The following CENPF variants were observed in gnomAD, a reference collection of about 807,000 sequenced individuals.
CENPF encodes the protein centromere protein F, also known as AH antigen.
Under a neutral mutation model 307.3 loss-of-function variants are expected in CENPF, and 214 were observed. That is an observed-to-expected ratio of 0.70 (90% confidence interval 0.62 to 0.78). The LOEUF is 0.78. CENPF is among the 30% of genes least tolerant of loss of function. The pLI, the probability that CENPF is intolerant of heterozygous loss-of-function variation, is 0.00. For synonymous variants in CENPF, 1,259 were observed against 1,270.6 expected (o/e 0.99, Z 0.19); for missense variants, 3,401 against 3,483.9 (o/e 0.98, Z 0.60).
At chr1:214,655,167 A>G (rs1487985796) in intron 16 of CENPF, 74 bp from the exon 17 acceptor site, 17 of 911,086 alleles carry the variant, frequency 1.9e-5, no homozygotes, top group Non-Finnish European at 2.7e-5. Flanking sequence ...TGAATCTTAT[A>G]TCTTATAATT....
At chr1:214,609,322 C>T (rs1187378071) in intron 1 of CENPF, among the ~76,000 whole-genome samples, 1 of 152,202 alleles carries the variant, frequency 6.6e-6, no homozygotes, top group Admixed American at 6.5e-5. Flanking sequence ...GGCATTCACT[C>T]TTCATTCATG....
rs375601206 is a variant in CENPF, at chr1:214,646,240, G to A, written c.6670G>A (p.Gly2224Ser). The change falls in exon 13 of 20, where the codon GGT becomes AGT. Residue 2224 changes from glycine (G) to serine (S), a missense_variant. Gly to Ser is a moderately conservative substitution (Grantham distance 56). Transcript: ENST00000366955. ...NLTKQIQEKQ[G>S]QLSELDKLLS... ...GACAAAACAAATACAAGAAAAACAA[G>A]GTCAGTTGTCAGAACTAGACAAGTT... 14 of 1,613,700 alleles carry A rather than the reference G, an allele frequency of 8.7e-6. No homozygotes were observed. Among genetic ancestry groups the A allele is most frequent in the Non-Finnish European group, 1.1e-5 (13 of 1,179,992 alleles).
At chr1:214,636,464 A>G (rs1333051530) in intron 10 of CENPF, among the ~76,000 whole-genome samples, 1 of 152,208 alleles carries the variant, frequency 6.6e-6, no homozygotes, top group Non-Finnish European at 1.5e-5. Context: ...CAGGATCAGG[A>G]CACGGTAGAT....
At chr1:214,662,342 C>T (rs1392725129) in intron 19 of CENPF, among the ~76,000 whole-genome samples, 1 of 152,062 alleles carries the variant, frequency 6.6e-6, no homozygotes, top group African/African-American at 2.4e-5. Flanking sequence ...TCCTGACCTT[C>T]CAAGGCTGCG....
chr1:214,615,288 GTA>G (rs1220751234), intron 3 of CENPF: 2 of 238,972 alleles, frequency 8.4e-6, no homozygotes, highest in East Asian at 8.2e-5. Flanking sequence ...TATTCATTCA[GTA>G]TATGTTTATT....
In CENPF at chr1:214,645,490, A is replaced by C. The variant is rs1658265278; in HGVS notation, c.5920A>C (p.Thr1974Pro). Residue 1974 changes from threonine to proline, a missense_variant, in exon 13 of 20, where the codon ACC becomes CCC. Transcript: ENST00000366955. ...AGAATTAGATACTATGTCAAAAAAA[A>C]CCACGGCACTGGATCAGTTGTCTGA... Reference protein sequence around the residue: ...RGELDTMSKKTTALDQLSEKM... With the variant: ...RGELDTMSKKPTALDQLSEKM... 8 of 1,613,762 alleles carry C rather than the reference A, an allele frequency of 5.0e-6. No homozygotes were observed. The highest frequency in any genetic ancestry group is 1.7e-5 in the Admixed American group (1 of 59,904).
At chr1:214,648,113 C>G (rs11805402) in intron 13 of CENPF, 31,489 of 351,926 alleles carry the variant, frequency 0.089, 2,088 homozygotes, top group African/African-American at 0.19. Flanking sequence ...AATAAAAGGA[C>G]TATCCACAAA....
chr1:214,654,369 T>G (rs1658574505), intron 16 of CENPF: 1 of 152,398 alleles, frequency 6.6e-6, no homozygotes, highest in Non-Finnish European at 1.5e-5. Context: ...GGCCAGGAAT[T>G]TGAGACCAGC....
At position 214,644,754 on chromosome 1, in the gene CENPF, T is replaced by C. The variant is rs2102564487; in HGVS notation, c.5184T>C (p.Asp1728=). The change falls in exon 13 of 20, where the codon GAT becomes GAC. Residue 1728 remains aspartate (D), a synonymous_variant. Transcript: ENST00000366955. ...TGECSGEQSP[D]TNYEPPGEDK... ...AGTGCTCTGGGGAACAGTCCCCAGA[T>C]ACCAATTATGAGCCTCCAGGGGAAG... 1.9e-6 allele frequency: 3 copies of C among 1,613,832 alleles called. No homozygotes were observed. Among genetic ancestry groups the C allele is most frequent in the African/African-American group, 2.7e-5 (2 of 74,994 alleles).
chr1:214,647,830 T>C, intron 13 of CENPF: 1 of 323,014 alleles, frequency 3.1e-6, no homozygotes, highest in Non-Finnish European at 6.3e-6. Context: ...TTTTTTGCCT[T>C]CAGGACAAAG....
chr1:214,622,490 C>T (rs762506502), intron 7 of CENPF, among the ~76,000 whole-genome samples: 4 of 152,124 alleles, frequency 2.6e-5, no homozygotes, highest in Admixed American at 6.5e-5. Context: ...AGCTGAGTGA[C>T]GTTGGGCAAG....
intron 17 of CENPF, among the ~76,000 whole-genome samples, chr1:214,655,748 A>G (rs388355): frequency 0.57 from 86,862 of 151,760 alleles, 25,200 homozygotes; most frequent in East Asian, 0.88. Flanking sequence ...GTGCCACCAC[A>G]CCCGACTAAT....
Position 214,619,006 on chromosome 1 carries a change from C to G in CENPF, c.482-123C>G, listed in dbSNP as rs2292377. ...TTGATCAATAGTTTGATCTATTTCC[C>G]TAACCAAAATGTTGTTTCTACTAAG... is the stretch of plus-strand genomic sequence containing the variant. On this transcript the variant is annotated intron_variant, in intron 4 of 19. Transcript: ENST00000366955. The G allele has an allele frequency of 0.049, 29,374 of 598,358 alleles. 1,066 individuals are homozygous for G. The highest frequency in any genetic ancestry group is 0.12 in the East Asian group (4,190 of 34,680). The allele number at this position is 598,358 out of a possible 1,614,324, so 37.1% of individuals were successfully genotyped here.
intron 7 of CENPF, among the ~76,000 whole-genome samples, chr1:214,626,659 A>G (rs545510597): frequency 5.7e-4 from 87 of 152,292 alleles, no homozygotes; most frequent in Middle Eastern, 6.8e-3. Flanking sequence ...GAGTTATTTA[A>G]TGAACTTCTG....
intron 10 of CENPF, among the ~76,000 whole-genome samples, chr1:214,636,186 C>G (rs1657962047): frequency 6.6e-6 from 1 of 152,122 alleles, no homozygotes; most frequent in Admixed American, 6.5e-5. Flanking sequence ...TGTCAAAGTG[C>G]TTTAAGATGT....
At chr1:214,655,528 C>A in intron 17 of CENPF, 125 bp downstream of exon 17, 1 of 763,442 alleles carries the variant, frequency 1.3e-6, no homozygotes, top group Non-Finnish European at 1.9e-6. Context: ...GATTTTTTAC[C>A]ATTAATCCAT....
At chr1:214,606,056 A>C (rs1053692374) in intron 1 of CENPF, 1 of 1,594,374 alleles carries the variant, frequency 6.3e-7, no homozygotes, top group African/African-American at 1.3e-5. Flanking sequence ...GTACAGGATG[A>C]TGCTGTCCGG....
Position 214,656,657 on chromosome 1 carries a change from G to A in CENPF, c.8486-276G>A, listed in dbSNP as rs78113229. 0.013 allele frequency among the ~76,000 whole-genome samples: 2,053 copies of A among 152,280 alleles called. 52 individuals are homozygous for A. Among genetic ancestry groups the A allele is most frequent in the African/African-American group, 0.047 (1,956 of 41,546 alleles). On this transcript the variant is annotated intron_variant, in intron 17 of 19. Transcript: ENST00000366955. ...TGGATATAACTGACGCTGCAAGAAC[G>A]TTTAATGAGTTGGCTGAAATATGAG...
chr1:214,612,555 C>T (rs1025556514), intron 1 of CENPF, among the ~76,000 whole-genome samples: 1 of 152,138 alleles, frequency 6.6e-6, no homozygotes, highest in Non-Finnish European at 1.5e-5. Context: ...GTACCCTGTA[C>T]ACCCAACAGT....
Sources: allele counts gnomAD v4.1 joint callset (sites outside exome capture counted in the v4.1 genomes callset), GRCh38; gene constraint gnomAD v4.1.1; transcripts MANE v1.5; gene names NCBI Gene and HGNC (gene_info 2026-07-23, HGNC 2026-07-21).